CCDC34: variants seen among roughly 807,000 people sequenced by gnomAD.
The protein encoded by CCDC34 is coiled-coil domain-containing protein 34.
Under a neutral mutation model 44.1 loss-of-function variants are expected in CCDC34, and 40 were observed. That is an observed-to-expected ratio of 0.91 (90% CI 0.70 to 1.18). The LOEUF is 1.18. CCDC34 is among the 50% of genes most tolerant of loss of function. The pLI, the probability that CCDC34 is intolerant of heterozygous loss-of-function variation, is 0.00. For synonymous variants in CCDC34, 159 were observed against 158.2 expected, an observed-to-expected ratio of 1.01 and a Z score of -0.04; for missense variants, 466 against 452.3, an observed-to-expected ratio of 1.03 and a Z score of -0.28.
chr11:27,338,666 T>C lies in CCDC34; in HGVS notation c.*155A>G, dbSNP rs538726873. 3.8e-5 allele frequency: 23 copies of C among 609,778 alleles called. No homozygotes were observed. The Admixed American group carries it at 6.2e-4, about 16-fold the overall frequency. 37.8% of individuals were successfully genotyped at this position (609,778 alleles called of 1,614,324 possible). A position where few individuals can be genotyped will look rare whatever the true frequency, so the allele number is the denominator to read the frequency against. Reference sequence around the variant, plus strand: ...TATAAAAACCAAAATCCAGAAAATATCTTCCTCAACTCTAAGGACTCCATA... The same window carrying C: ...TATAAAAACCAAAATCCAGAAAATACCTTCCTCAACTCTAAGGACTCCATA... On this transcript the variant is annotated 3_prime_UTR_variant, in exon 6 of 6. Transcript: ENST00000328697.
chr11:27,344,211 C>T (rs1423409934), intron 3 of CCDC34, among the ~76,000 whole-genome samples: 2 of 151,760 alleles, frequency 1.3e-5, no homozygotes, highest in Non-Finnish European at 2.9e-5. Context: ...AAAAAGTAAA[C>T]ATATCAAAGC....
At chr11:27,339,076 T>C in intron 5 of CCDC34, 41 bp from the exon 6 acceptor site, 1 of 1,457,854 alleles carries the variant, frequency 6.9e-7, no homozygotes, top group South Asian at 1.2e-5. Flanking sequence ...AGGAAAAACT[T>C]TCTTGACATC....
At chr11:27,359,558 C>T (rs925654087) in intron 1 of CCDC34, among the ~76,000 whole-genome samples, 8 of 151,774 alleles carry the variant, frequency 5.3e-5, no homozygotes, top group Admixed American at 3.9e-4. Flanking sequence ...GCGCGATCTC[C>T]GCTCACTGCA....
intron 5 of CCDC34, among the ~76,000 whole-genome samples, chr11:27,339,245 T>C (rs1017480182): frequency 6.6e-5 from 10 of 152,158 alleles, no homozygotes; most frequent in Non-Finnish European, 1.3e-4. Context: ...AATTAAAGCA[T>C]AAATGATAAT....
chr11:27,344,410 A>G (rs1019577991), intron 3 of CCDC34, among the ~76,000 whole-genome samples: 2 of 152,088 alleles, frequency 1.3e-5, no homozygotes, highest in Admixed American at 1.3e-4. Flanking sequence ...ACAAACATGT[A>G]TGCTATATAT....
At position 27,362,915 on chromosome 11, in the gene CCDC34, C is replaced by A; in HGVS notation, c.280G>T (p.Glu94Ter). ...GEDEEDVDDE[E>*]DVDEDAHDSE... ...TCATGGGCATCTTCATCCACGTCTTCCTCATCATCCACGTCTTCCTCATCC... is the reference window on the plus strand; with the variant it reads ...TCATGGGCATCTTCATCCACGTCTTACTCATCATCCACGTCTTCCTCATCC... Residue 94 changes from glutamate to a stop codon, truncating the protein, a stop_gained, in exon 1 of 6, where the codon GAA becomes TAA. Coordinates refer to ENST00000328697, the MANE Select transcript of CCDC34 (RefSeq NM_030771.2). LOFTEE classifies it high-confidence loss of function. 1 of 1,592,106 alleles carries A rather than the reference C, an allele frequency of 6.3e-7. No individual in the cohort carries two copies. Among genetic ancestry groups the A allele is most frequent in the Non-Finnish European group, 8.5e-7 (1 of 1,175,064 alleles).
chr11:27,349,153 CA>C, intron 3 of CCDC34: 3 of 978,564 alleles, frequency 3.1e-6, no homozygotes, highest in Non-Finnish European at 3.6e-6. Flanking sequence ...GAGGAAAGAG[CA>C]AACTATTCTG....
At position 27,361,253 on chromosome 11, in the gene CCDC34, G is replaced by A. The variant is rs139080597; in HGVS notation, c.359+1583C>T. ...CATTCTGGCTTTGGATAAGTGAGAC[G>A]TACATACGTTCACCTCCTCCCCTGG... On this transcript the variant is annotated intron_variant, in intron 1 of 5. Transcript: ENST00000328697. Among the ~76,000 whole-genome samples the A allele has an allele frequency of 1.9e-3, 288 of 152,290 alleles. 1 individual carries two copies. Among genetic ancestry groups the A allele is most frequent in the African/African-American group, 6.6e-3 (274 of 41,558 alleles).
intron 1 of CCDC34, among the ~76,000 whole-genome samples, chr11:27,358,711 T>C (rs1862614365): frequency 6.6e-6 from 1 of 152,172 alleles, no homozygotes; most frequent in African/African-American, 2.4e-5. Flanking sequence ...ATATCAGTAA[T>C]TCCAGGCCAG....
intron 1 of CCDC34, among the ~76,000 whole-genome samples, chr11:27,361,085 T>G (rs994877190): frequency 6.6e-6 from 1 of 152,256 alleles, no homozygotes; most frequent in African/African-American, 2.4e-5. Context: ...ATTGAGCACC[T>G]AATAAGCATC....
intron 5 of CCDC34, among the ~76,000 whole-genome samples, chr11:27,340,207 GCA>G (rs1181419813): frequency 1.3e-5 from 2 of 152,120 alleles, no homozygotes; most frequent in Non-Finnish European, 2.9e-5. Flanking sequence ...CCAACATGAA[GCA>G]CAAAGAAAAA....
intron 1 of CCDC34, among the ~76,000 whole-genome samples, chr11:27,361,729 T>G (rs1199182405): frequency 1.3e-5 from 2 of 152,180 alleles, no homozygotes; most frequent in African/African-American, 2.4e-5. Context: ...TTCCATTCAC[T>G]CATGCTGGAT....
At chr11:27,349,143 G>A in intron 3 of CCDC34, 5 of 981,422 alleles carry the variant, frequency 5.1e-6, no homozygotes, top group Non-Finnish European at 6.1e-6. Context: ...AGGACTTTTA[G>A]AGGAAAGAGC....
chr11:27,353,009 C>T (rs1241274302), intron 2 of CCDC34, among the ~76,000 whole-genome samples: 1 of 152,130 alleles, frequency 6.6e-6, no homozygotes, highest in Non-Finnish European at 1.5e-5. Context: ...AGTCTTCCTT[C>T]GAAAGGCCCC....
At chr11:27,339,314 T>A (rs1222963103) in intron 5 of CCDC34, among the ~76,000 whole-genome samples, 1 of 152,168 alleles carries the variant, frequency 6.6e-6, no homozygotes, top group Non-Finnish European at 1.5e-5. Context: ...CCTATAAAAT[T>A]TTTACTAAGA....
intron 4 of CCDC34, 50 bp from the exon 5 acceptor site, chr11:27,340,887 A>T: frequency 6.4e-7 from 1 of 1,555,582 alleles, no homozygotes; most frequent in Non-Finnish European, 8.7e-7. Flanking sequence ...GTAACTATAC[A>T]TTCCATTCAA....
Position 27,341,553 on chromosome 11 carries a change from T to A in CCDC34, c.607-3A>T. On this transcript the variant is annotated splice_polypyrimidine_tract_variant and splice_region_variant and intron_variant, in intron 3 of 5. Transcript: ENST00000328697. ...TTTTGTTCTCTTTCTTTTCTTTTCT[T>A]AAATAAAAATAGATAAAGTTTAATT... 8.4e-7 allele frequency: 1 copy of A among 1,188,984 alleles called. No homozygotes were observed. Among genetic ancestry groups the A allele is most frequent in the Non-Finnish European group, 1.1e-6 (1 of 873,116 alleles). 73.7% of individuals were successfully genotyped at this position (1,188,984 alleles called of 1,614,324 possible).
chr11:27,355,706 G>A (rs1372943566), intron 2 of CCDC34, among the ~76,000 whole-genome samples: 1 of 152,050 alleles, frequency 6.6e-6, no homozygotes, highest in Admixed American at 6.6e-5. Flanking sequence ...AAAGAACCAG[G>A]GTTTTTATTA....
intron 3 of CCDC34, among the ~76,000 whole-genome samples, chr11:27,345,263 G>C (rs988061922): frequency 1.3e-5 from 2 of 152,100 alleles, no homozygotes; most frequent in Non-Finnish European, 2.9e-5. Flanking sequence ...TTACCCTCTT[G>C]TGGTGGGCAA....
Sources: allele counts gnomAD v4.1 joint callset (sites outside exome capture counted in the v4.1 genomes callset), GRCh38; gene constraint gnomAD v4.1.1; transcripts MANE v1.5; gene names NCBI Gene and HGNC (gene_info 2026-07-23, HGNC 2026-07-21).